The following XKR9 variants were observed in gnomAD, a reference collection of about 807,000 sequenced individuals.
The protein encoded by XKR9 is XK related 9, also known as XK-related protein 9.
A neutral mutation model predicts 32.0 loss-of-function variants in XKR9; 32 were observed. That is an observed-to-expected ratio of 1.00 (90% CI 0.76 to 1.34). XKR9 has a LOEUF of 1.34. Among genes scored for constraint, XKR9 ranks in the 40% most tolerant of loss-of-function variants. The pLI, the probability that XKR9 is intolerant of heterozygous loss-of-function variation, is 0.00. For synonymous variants in XKR9, 168 were observed against 143.4 expected, an observed-to-expected ratio of 1.17 and a Z score of -1.22; for missense variants, 546 against 429.7, an observed-to-expected ratio of 1.27 and a Z score of -2.39.
the XKR9 span, among the ~76,000 whole-genome samples, chr8:70,936,994 G>T: frequency 6.6e-6 from 1 of 151,954 alleles, no homozygotes; most frequent in African/African-American, 2.4e-5. Flanking sequence ...TACCCTAACT[G>T]CAGCAAATGA....
chr8:70,739,025 T>C (rs1025115678), downstream of XKR9, among the ~76,000 whole-genome samples: 22 of 152,050 alleles, frequency 1.4e-4, no homozygotes, highest in South Asian at 4.2e-4. Context: ...TGGGTATCCT[T>C]GTTAACTTTC....
At chr8:70,901,940 G>C in the XKR9 span, among the ~76,000 whole-genome samples, 5 of 152,074 alleles carry the variant, frequency 3.3e-5, no homozygotes, top group African/African-American at 1.2e-4. Flanking sequence ...GCTTGTTTTT[G>C]TCAGGTTTGT....
intron 4 of XKR9, among the ~76,000 whole-genome samples, chr8:70,723,611 C>T (rs922622731): frequency 3.3e-5 from 5 of 152,198 alleles, no homozygotes; most frequent in South Asian, 2.1e-4. Flanking sequence ...AGGTCCAGTC[C>T]AGACCCTGTT....
the XKR9 span, among the ~76,000 whole-genome samples, chr8:70,814,898 T>G: frequency 2.6e-5 from 4 of 152,334 alleles, no homozygotes; most frequent in African/African-American, 9.6e-5. Context: ...CAGTAAAGTT[T>G]CTGTATATAA....
chr8:71,003,909 G>T, the XKR9 span, among the ~76,000 whole-genome samples: 1 of 152,120 alleles, frequency 6.6e-6, no homozygotes, highest in Non-Finnish European at 1.5e-5. Flanking sequence ...AAACCTCATG[G>T]GAACTCAGAG....
chr8:70,883,069 C>A, the XKR9 span, among the ~76,000 whole-genome samples: 2 of 151,710 alleles, frequency 1.3e-5, no homozygotes, highest in African/African-American at 2.4e-5. Flanking sequence ...ATTTAATGCA[C>A]CTGTCACCCA....
chr8:70,876,575 C>A, the XKR9 span, among the ~76,000 whole-genome samples: 1 of 152,100 alleles, frequency 6.6e-6, no homozygotes, highest in African/African-American at 2.4e-5. Flanking sequence ...GAAATCTGGG[C>A]AACCTCTGGG....
intron 4 of XKR9, 51 bp downstream of exon 4, chr8:70,707,204 G>A (rs369381748): frequency 5.6e-5 from 79 of 1,410,916 alleles, no homozygotes; most frequent in African/African-American, 8.6e-5. Context: ...GAGACCTTAC[G>A]TCAACTATAT....
intron 2 of XKR9, among the ~76,000 whole-genome samples, chr8:70,772,727 A>C (rs1807469545): frequency 5.9e-5 from 9 of 152,192 alleles, no homozygotes; most frequent in Admixed American, 5.9e-4. Context: ...TGTTAAAAAA[A>C]ATTAAAAGAC....
chr8:70,870,976 C>T, the XKR9 span, among the ~76,000 whole-genome samples: 3 of 152,216 alleles, frequency 2.0e-5, no homozygotes, highest in South Asian at 4.1e-4. Flanking sequence ...TTTCTTCAAC[C>T]ACAAGTGGGG....
At chr8:70,966,508 T>C in the XKR9 span, among the ~76,000 whole-genome samples, 1 of 152,228 alleles carries the variant, frequency 6.6e-6, no homozygotes, top group Non-Finnish European at 1.5e-5. Flanking sequence ...TTCTTTTGCA[T>C]TTGCTGAGGA....
At chr8:70,751,447 CA>C (rs1807139630) in intron 2 of XKR9, among the ~76,000 whole-genome samples, 1 of 152,060 alleles carries the variant, frequency 6.6e-6, no homozygotes, top group Non-Finnish European at 1.5e-5. Context: ...TTTTAGGTGT[CA>C]ACTTGACTGG....
chr8:71,001,191 G>A, the XKR9 span, among the ~76,000 whole-genome samples: 9 of 152,304 alleles, frequency 5.9e-5, no homozygotes, highest in Admixed American at 5.9e-4. Context: ...ATGACATGGT[G>A]CAGCCAGTGG....
At chr8:70,739,307 T>G (rs1806923517), downstream of XKR9, among the ~76,000 whole-genome samples, 1 of 152,224 alleles carries the variant, frequency 6.6e-6, no homozygotes, top group Non-Finnish European at 1.5e-5. Context: ...CTTTTTTGTT[T>G]TCCATTTGCT....
the XKR9 span, among the ~76,000 whole-genome samples, chr8:70,798,818 T>C: frequency 6.6e-6 from 1 of 152,242 alleles, no homozygotes; most frequent in South Asian, 2.1e-4. Flanking sequence ...CTTTTCCCAT[T>C]GCTTGTATTT....
the XKR9 span, among the ~76,000 whole-genome samples, chr8:70,873,870 A>G: frequency 6.6e-6 from 1 of 152,226 alleles, no homozygotes; most frequent in Non-Finnish European, 1.5e-5. Flanking sequence ...GAAATCTTTC[A>G]TGAAAGGAAG....
chr8:70,925,730 A>C, the XKR9 span, among the ~76,000 whole-genome samples: 654 of 152,318 alleles, frequency 4.3e-3, 4 homozygotes, highest in South Asian at 0.016. Context: ...AGCTAAGAGA[A>C]AGGAGAAGGA....
chr8:70,806,217 T>A, the XKR9 span, among the ~76,000 whole-genome samples: 2 of 151,984 alleles, frequency 1.3e-5, no homozygotes, highest in Non-Finnish European at 2.9e-5. Context: ...GTAACAACAA[T>A]AGCATCGACA....
At chr8:70,710,715 A>G (rs1805885947) in intron 4 of XKR9, among the ~76,000 whole-genome samples, 1 of 152,118 alleles carries the variant, frequency 6.6e-6, no homozygotes, top group South Asian at 2.1e-4. Context: ...AACAACAACA[A>G]CAACAACAAA....
Sources: allele counts gnomAD v4.1 joint callset (sites outside exome capture counted in the v4.1 genomes callset), GRCh38; gene constraint gnomAD v4.1.1; transcripts MANE v1.5; gene names NCBI Gene and HGNC (gene_info 2026-07-23, HGNC 2026-07-21).